IMP4: variants seen among roughly 807,000 people sequenced by gnomAD.
IMP4 encodes the protein U3 small nucleolar ribonucleoprotein IMP4.
IMP4 carries 30 observed loss-of-function variants against 42.7 expected under a neutral mutation model. That is an observed-to-expected ratio of 0.70 (90% CI 0.53 to 0.95). IMP4 has a LOEUF of 0.95. Ranked by LOEUF, IMP4 falls within the 40% of genes least tolerant of loss-of-function variation. IMP4 has a pLI of 0.00. For missense variants in IMP4, 382 were observed against 411.4 expected (o/e 0.93, Z 0.62); for synonymous variants, 165 against 165.2 (o/e 1.00, Z 0.01).
At position 130,346,519 on chromosome 2, in the gene IMP4, G is replaced by A. The variant is rs1219370421; in HGVS notation, c.*51G>A. 2.4e-6 allele frequency: 3 copies of A among 1,261,298 alleles called. No homozygotes were observed. The highest frequency in any genetic ancestry group is 3.0e-5 in the African/African-American group (2 of 67,482). 78.1% of individuals were successfully genotyped at this position (1,261,298 alleles called of 1,614,324 possible). A position where few individuals can be genotyped will look rare whatever the true frequency, so the allele number is the denominator to read the frequency against. Reference sequence around the variant, plus strand: ...TGGACTTGGAACTCAGGATGGGGCTGTCATAGACAGACCCACCAGTAGGAA... The same window carrying A: ...TGGACTTGGAACTCAGGATGGGGCTATCATAGACAGACCCACCAGTAGGAA... On this transcript the variant is annotated 3_prime_UTR_variant, in exon 9 of 9. Transcript: ENST00000259239.
In IMP4 at chr2:130,345,036, G is replaced by A. The variant is rs1264206252; in HGVS notation, c.196+324G>A. The A allele has an allele frequency of 2.2e-5, 12 of 551,122 alleles. No individual in the cohort carries two copies. The highest frequency in any genetic ancestry group is 3.9e-5 in the Non-Finnish European group (12 of 308,016). The allele number at this position is 551,122 out of a possible 1,614,324, so 34.1% of individuals were successfully genotyped here. On this transcript the variant is annotated intron_variant, in intron 3 of 8. Transcript: ENST00000259239. The surrounding 1 kb of genome is among the most constrained non-coding windows in gnomAD (Gnocchi z 4.9). ...CTGCATTATTCAAGAAACAAGAAAGGAATCCCAAACATTATAGATATTTGT... is the reference window on the plus strand; with the variant it reads ...CTGCATTATTCAAGAAACAAGAAAGAAATCCCAAACATTATAGATATTTGT...
chr2:130,342,987 G>T (rs779476579), intron 1 of IMP4, 52 bp downstream of exon 1: 2 of 1,613,780 alleles, frequency 1.2e-6, no homozygotes, highest in African/African-American at 1.3e-5. Flanking sequence ...AAGTGCTGGG[G>T]ATGTGGCTCT....
chr2:130,345,121 T>C lies in IMP4; in HGVS notation c.197-255T>C. 1 of 564,874 alleles carries C rather than the reference T, an allele frequency of 1.8e-6. No homozygotes were observed. The allele number at this position is 564,874 out of a possible 1,614,324, so 35.0% of individuals were successfully genotyped here. A position where few individuals can be genotyped will look rare whatever the true frequency, so the allele number is the denominator to read the frequency against. On this transcript the variant is annotated intron_variant, in intron 3 of 8. Transcript: ENST00000259239. This position sits in a 1 kb window ranked among gnomAD's most constrained non-coding sequence, Gnocchi z 4.9. ...GCAGAGTGTGGATTTCGTTGTGTAATGGAGTAGCTGCTTAGCCCCATGTGA... is the reference window on the plus strand; with the variant it reads ...GCAGAGTGTGGATTTCGTTGTGTAACGGAGTAGCTGCTTAGCCCCATGTGA...
rs1011728001 is a variant in IMP4 at position 130,345,251 on chromosome 2, G to A, written c.197-125G>A. 9.8e-6 allele frequency: 7 copies of A among 712,740 alleles called. No homozygotes were observed. The South Asian group carries it at 1.0e-4, about 10-fold the overall frequency. 44.2% of individuals were successfully genotyped at this position (712,740 alleles called of 1,614,324 possible). A position where few individuals can be genotyped will look rare whatever the true frequency, so the allele number is the denominator to read the frequency against. ...TGGAGGCTGCCCTCTTGCCCGGTGTGCATGTGGAGCATTCCTATTGTTGAA... is the reference window on the plus strand; with the variant it reads ...TGGAGGCTGCCCTCTTGCCCGGTGTACATGTGGAGCATTCCTATTGTTGAA... On this transcript the variant is annotated intron_variant, in intron 3 of 8. Coordinates refer to ENST00000259239, the MANE Select transcript of IMP4 (RefSeq NM_033416.3). This position sits in a 1 kb window ranked among gnomAD's most constrained non-coding sequence, Gnocchi z 4.9.
Position 130,346,817 on chromosome 2 carries a change from A to G in IMP4, c.*349A>G. 3.0e-6 allele frequency: 1 copy of G among 332,374 alleles called. No individual in the cohort carries two copies. The highest frequency in any genetic ancestry group is 3.0e-5 in the South Asian group (1 of 33,030). 20.6% of individuals were successfully genotyped at this position (332,374 alleles called of 1,614,324 possible). Reference sequence around the variant, plus strand: ...AGCTCTTCAGCAGGCAGATGTGGGTAGCAGGGCCAGCCTGTGTCAGGGGCA... The same window carrying G: ...AGCTCTTCAGCAGGCAGATGTGGGTGGCAGGGCCAGCCTGTGTCAGGGGCA... On this transcript the variant is annotated 3_prime_UTR_variant, in exon 9 of 9. Transcript: ENST00000259239.
At position 130,345,351 on chromosome 2, in the gene IMP4, T is replaced by C. The variant is rs1216435841; in HGVS notation, c.197-25T>C. On this transcript the variant is annotated intron_variant, in intron 3 of 8. Coordinates refer to ENST00000259239, the MANE Select transcript of IMP4 (RefSeq NM_033416.3). The surrounding 1 kb of genome is among the most constrained non-coding windows in gnomAD (Gnocchi z 4.9). ...GCATTTCATTCCCAAGACTGTCATG[T>C]TCTTGCCCCTCGTGCTCCTGACAGG... 1.3e-6 allele frequency: 2 copies of C among 1,575,032 alleles called. No individual in the cohort carries two copies. Among genetic ancestry groups the C allele is most frequent in the Non-Finnish European group, 1.7e-6 (2 of 1,145,884 alleles).
intron 2 of IMP4, among the ~76,000 whole-genome samples, chr2:130,343,570 C>G (rs111691330): frequency 2.7e-3 from 405 of 151,988 alleles, no homozygotes; most frequent in Middle Eastern, 6.8e-3. Context: ...GAAATCTCGT[C>G]TCTACTAAAC....
In IMP4 at chr2:130,345,766, C is replaced by G. The variant is rs1679498665; in HGVS notation, c.440-13C>G. The G allele has an allele frequency of 1.2e-6, 2 of 1,612,882 alleles. No individual in the cohort carries two copies. Among genetic ancestry groups the G allele is most frequent in the South Asian group, 2.2e-5 (2 of 91,084 alleles). On this transcript the variant is annotated splice_polypyrimidine_tract_variant and intron_variant, in intron 5 of 8. Transcript: ENST00000259239. This position sits in a 1 kb window ranked among gnomAD's most constrained non-coding sequence, Gnocchi z 4.9. ...GGCAGACGGGGTCTCTGACAGCCAC[C>G]TTTCCCCGCCAGTGGGGCTCATCGT...
chr2:130,346,522 A>G lies in IMP4; in HGVS notation c.*54A>G, dbSNP rs1276287926. 4.1e-6 allele frequency: 5 copies of G among 1,209,718 alleles called. No individual in the cohort carries two copies. The highest frequency in any genetic ancestry group is 1.3e-5 in the South Asian group (1 of 77,322). 74.9% of individuals were successfully genotyped at this position (1,209,718 alleles called of 1,614,324 possible). On this transcript the variant is annotated 3_prime_UTR_variant, in exon 9 of 9. Coordinates refer to ENST00000259239, the MANE Select transcript of IMP4 (RefSeq NM_033416.3). ...ACTTGGAACTCAGGATGGGGCTGTC[A>G]TAGACAGACCCACCAGTAGGAACTG...
rs887406667 is a variant in IMP4, at chr2:130,347,538, A to C, written c.*1070A>C. The C allele has an allele frequency of 2.0e-5, 3 of 152,228 alleles. No individual in the cohort carries two copies. The highest frequency in any genetic ancestry group is 1.9e-4 in the East Asian group (1 of 5,206). 9.4% of individuals were successfully genotyped at this position (152,228 alleles called of 1,614,324 possible). On this transcript the variant is annotated 3_prime_UTR_variant, in exon 9 of 9. Coordinates refer to ENST00000259239, the MANE Select transcript of IMP4 (RefSeq NM_033416.3). ...TGTGGCCTGAATGTTTGTGTCCCCC[A>C]AAAATTCGTATATTGAACTCTCATC...
rs796504058 is a variant in IMP4, at chr2:130,347,886, AAT to A, written c.*1420_*1421del. On this transcript the variant is annotated 3_prime_UTR_variant, in exon 9 of 9. Transcript: ENST00000259239. Reference sequence around the variant, plus strand: ...CCCTTTACCAGATACATGGTTTGCAAATAGTTTTTCCCACTCTGTAGATATAG... The same window carrying A: ...CCCTTTACCAGATACATGGTTTGCAAAGTTTTTCCCACTCTGTAGATATAG... 34 of 152,410 alleles carry A rather than the reference AAT, an allele frequency of 2.2e-4. No individual in the cohort carries two copies. The highest frequency in any genetic ancestry group is 7.0e-4 in the African/African-American group (29 of 41,584). 9.4% of individuals were successfully genotyped at this position (152,410 alleles called of 1,614,324 possible).
chr2:130,343,854 C>A (rs1679280848), intron 2 of IMP4, among the ~76,000 whole-genome samples: 1 of 152,212 alleles, frequency 6.6e-6, no homozygotes, highest in Non-Finnish European at 1.5e-5. Flanking sequence ...GGGAACAGTG[C>A]TGGCCCCGAG....
Position 130,346,107 on chromosome 2 carries a change from A to T in IMP4, c.684A>T (p.Ser228=). ...TCGCAAACCAGGACGACTACATATC[A>T]TTCCGGTGGGTCCACGGGCCATGCC... ...ITFANQDDYI[S]FRHHVYKKTD... The change falls in exon 7 of 9, where the codon TCA becomes TCT. Residue 228 remains serine, a synonymous_variant. Transcript: ENST00000259239. The T allele has an allele frequency of 6.2e-7, 1 of 1,613,968 alleles. No individual in the cohort carries two copies. Among genetic ancestry groups the T allele is most frequent in the Non-Finnish European group, 8.5e-7 (1 of 1,179,862 alleles).
Position 130,346,655 on chromosome 2 carries a change from C to T in IMP4, c.*187C>T. ...CTGCCTCTGAGTGGTCAGGCCAAGT[C>T]TGCAGGGCAAAGCCCATGGGATCCC... On this transcript the variant is annotated 3_prime_UTR_variant, in exon 9 of 9. Transcript: ENST00000259239. The T allele has an allele frequency of 4.8e-6, 3 of 620,576 alleles. No homozygotes were observed. Among genetic ancestry groups the T allele is most frequent in the Admixed American group, 2.6e-5 (1 of 38,230 alleles). 38.4% of individuals were successfully genotyped at this position (620,576 alleles called of 1,614,324 possible).
Position 130,345,457 on chromosome 2 carries a change from C to T in IMP4, c.278C>T (p.Pro93Leu). The stretch of plus-strand genomic sequence containing the variant: ...GTTATGATCACTACCTCCCGAGACC[C>T]CAGTTCCCGCCTCAAGATGTTTGCA... ...PKVMITTSRDPSSRLKMFAKE... is the reference protein window; with the variant it reads ...PKVMITTSRDLSSRLKMFAKE... Residue 93 changes from proline to leucine, a missense_variant, in exon 4 of 9, where the codon CCC (proline) becomes CTC (leucine). Physicochemically the swap from Pro to Leu is moderately conservative, Grantham distance 98. Transcript: ENST00000259239. This position sits in a 1 kb window ranked among gnomAD's most constrained non-coding sequence, Gnocchi z 4.9. The T allele has an allele frequency of 5.6e-6, 9 of 1,614,070 alleles. No homozygotes were observed. The highest frequency in any genetic ancestry group is 7.6e-6 in the Non-Finnish European group (9 of 1,179,994).
chr2:130,345,591 G>A lies in IMP4; in HGVS notation c.331G>A (p.Ala111Thr), dbSNP rs201684460. The A allele has an allele frequency of 3.3e-4, 534 of 1,614,170 alleles. 3 individuals are homozygous for A. The highest frequency in any genetic ancestry group is 2.3e-3 in the South Asian group (206 of 91,088). Residue 111 changes from alanine to threonine, a missense_variant, in exon 5 of 9, where the codon GCC becomes ACC. By Grantham distance (58) the Ala-to-Thr change is moderately conservative (BLOSUM62 0). Coordinates refer to ENST00000259239, the MANE Select transcript of IMP4 (RefSeq NM_033416.3). The surrounding 1 kb of genome is among the most constrained non-coding windows in gnomAD (Gnocchi z 4.9). The part of the protein sequence containing the change: ...AKELKLVFPG[A>T]QRMNRGRHEV... ...GGAGCTGAAGCTGGTGTTCCCGGGC[G>A]CCCAGCGAATGAACCGAGGTCGACA...
In IMP4 at chr2:130,346,494, T is replaced by C. The variant is rs1293923798; in HGVS notation, c.*26T>C. 2.7e-6 allele frequency: 4 copies of C among 1,494,712 alleles called. No individual in the cohort carries two copies. In the South Asian group the frequency reaches 3.6e-5, roughly 14 times the overall value. The allele number at this position is 1,494,712 out of a possible 1,614,324, so 92.6% of individuals were successfully genotyped here. ...GCACACTCACCACTCAGTCAGGACA[T>C]GGACTTGGAACTCAGGATGGGGCTG... is the stretch of plus-strand genomic sequence containing the variant. On this transcript the variant is annotated 3_prime_UTR_variant, in exon 9 of 9. Coordinates refer to ENST00000259239, the MANE Select transcript of IMP4 (RefSeq NM_033416.3).
rs1679607362 is a variant in IMP4, at chr2:130,346,737, G to A, written c.*269G>A. 1.9e-6 allele frequency: 1 copy of A among 534,888 alleles called. No homozygotes were observed. The allele number at this position is 534,888 out of a possible 1,614,324, so 33.1% of individuals were successfully genotyped here. On this transcript the variant is annotated 3_prime_UTR_variant, in exon 9 of 9. Coordinates refer to ENST00000259239, the MANE Select transcript of IMP4 (RefSeq NM_033416.3). ...GCTTGGGCCTGGAGTCAGTGTGGGG[G>A]TTAACAGAGAGAGAGATTTGATGCT...
In IMP4 at chr2:130,345,246, G is replaced by A. The variant is rs1159129153; in HGVS notation, c.197-130G>A. 11 of 694,882 alleles carry A rather than the reference G, an allele frequency of 1.6e-5. No homozygotes were observed. The highest frequency in any genetic ancestry group is 7.0e-5 in the African/African-American group (4 of 56,806). The allele number at this position is 694,882 out of a possible 1,614,324, so 43.0% of individuals were successfully genotyped here. On this transcript the variant is annotated intron_variant, in intron 3 of 8. Coordinates refer to ENST00000259239, the MANE Select transcript of IMP4 (RefSeq NM_033416.3). The surrounding 1 kb of genome is among the most constrained non-coding windows in gnomAD (Gnocchi z 4.9). ...GTAGTTGGAGGCTGCCCTCTTGCCC[G>A]GTGTGCATGTGGAGCATTCCTATTG...
Sources: allele counts gnomAD v4.1 joint callset (sites outside exome capture counted in the v4.1 genomes callset), GRCh38; gene constraint gnomAD v4.1.1; non-coding constraint Gnocchi (gnomAD v3.1); transcripts MANE v1.5; gene names NCBI Gene and HGNC (gene_info 2026-07-23, HGNC 2026-07-21).